AQP1: variants seen among roughly 807,000 people sequenced by gnomAD.
The protein encoded by AQP1 is aquaporin-1.
In AQP1, 11 loss-of-function variants were observed where a neutral mutation model predicts 19.7. That is an observed-to-expected ratio of 0.56 (90% CI 0.35 to 0.92). The LOEUF is 0.92. Among genes scored for constraint, AQP1 ranks in the 40% least tolerant of loss-of-function variants. The probability of loss-of-function intolerance (pLI) is 0.01; values close to 1 mark genes in which losing one functional copy is unlikely to be tolerated. For missense variants in AQP1, 320 were observed against 369.7 expected, an observed-to-expected ratio of 0.87 and a Z score of 1.10; for synonymous variants, 159 against 166.7, an observed-to-expected ratio of 0.95 and a Z score of 0.36.
At position 30,922,161 on chromosome 7, in the gene AQP1, G is replaced by C; in HGVS notation, c.480G>C (p.Arg160Ser). ...GCGTGCTGGCTACTACCGACCGGAG[G>C]CGCCGTGACCTTGGTGGCTCAGCCC... ...VLCVLATTDR[R>S]RRDLGGSAPL... The change falls in exon 2 of 4, where the codon AGG becomes AGC. Residue 160 changes from arginine to serine, a missense_variant. Physicochemically the swap from Arg to Ser is moderately radical, Grantham distance 110. Transcript: ENST00000311813. 6.2e-7 allele frequency: 1 copy of C among 1,613,604 alleles called. No homozygotes were observed. Among genetic ancestry groups the C allele is most frequent in the Non-Finnish European group, 8.5e-7 (1 of 1,180,026 alleles).
chr7:30,923,796 C>T lies in AQP1; in HGVS notation c.*167C>T. On this transcript the variant is annotated 3_prime_UTR_variant, in exon 4 of 4. Coordinates refer to ENST00000311813, the MANE Select transcript of AQP1 (RefSeq NM_198098.4). This position sits in a 1 kb window ranked among gnomAD's most constrained non-coding sequence, Gnocchi z 4.8. ...GCCTCTTATGGGGGTGTTTCTATCT[C>T]TTTCTTTCTCTTTCTGTTTCCTGGC... The T allele has an allele frequency of 6.6e-7, 1 of 1,513,132 alleles. No individual in the cohort carries two copies. The highest frequency in any genetic ancestry group is 8.9e-7 in the Non-Finnish European group (1 of 1,129,708). 93.7% of individuals were successfully genotyped at this position (1,513,132 alleles called of 1,614,324 possible). A position where few individuals can be genotyped will look rare whatever the true frequency, so the allele number is the denominator to read the frequency against.
intron 3 of AQP1, among the ~76,000 whole-genome samples, chr7:30,922,957 T>C (rs1331272891): frequency 6.6e-6 from 1 of 152,216 alleles, no homozygotes; most frequent in Admixed American, 6.5e-5. Context: ...CCTTGCGCAG[T>C]GTGCTTGAGC....
chr7:30,921,712 G>T (rs770421669), intron 1 of AQP1: 40 of 1,550,898 alleles, frequency 2.6e-5, no homozygotes, highest in Admixed American at 1.4e-4. Context: ...TCATGCCTGG[G>T]GCTCGCCCCT....
chr7:30,920,941 C>T (rs1221821925), intron 1 of AQP1, among the ~76,000 whole-genome samples: 1 of 152,212 alleles, frequency 6.6e-6, no homozygotes, highest in Non-Finnish European at 1.5e-5. Flanking sequence ...GGAAAACCTC[C>T]AAGGTGTGCC....
intron 1 of AQP1, among the ~76,000 whole-genome samples, chr7:30,913,798 G>A (rs1791235050): frequency 6.6e-6 from 1 of 152,266 alleles, no homozygotes; most frequent in East Asian, 1.9e-4. Flanking sequence ...AGACGTGGCC[G>A]CGGGGGATGT....
At position 30,911,988 on chromosome 7, in the gene AQP1, A is replaced by C; in HGVS notation, c.79A>C (p.Ile27Leu). ...CCTGGCCACGACCCTCTTTGTCTTC[A>C]TCAGCATCGGTTCTGCCCTGGGCTT... ...EFLATTLFVF[I>L]SIGSALGFKY... Residue 27 changes from isoleucine (I) to leucine (L), a missense_variant, in exon 1 of 4, where the codon ATC (isoleucine) becomes CTC (leucine). Physicochemically the swap from Ile to Leu is conservative, Grantham distance 5. Transcript: ENST00000311813. 1 of 1,613,646 alleles carries C rather than the reference A, an allele frequency of 6.2e-7. No individual in the cohort carries two copies. Among genetic ancestry groups the C allele is most frequent in the Non-Finnish European group, 8.5e-7 (1 of 1,180,034 alleles).
chr7:30,923,882 A>T lies in AQP1; in HGVS notation c.*253A>T, dbSNP rs1364650280. The T allele has an allele frequency of 2.7e-6, 4 of 1,491,980 alleles. No individual in the cohort carries two copies. In the African/African-American group the frequency reaches 5.5e-5, roughly 21 times the overall value. 92.4% of individuals were successfully genotyped at this position (1,491,980 alleles called of 1,614,324 possible). A position where few individuals can be genotyped will look rare whatever the true frequency, so the allele number is the denominator to read the frequency against. On this transcript the variant is annotated 3_prime_UTR_variant, in exon 4 of 4. Coordinates refer to ENST00000311813, the MANE Select transcript of AQP1 (RefSeq NM_198098.4). The surrounding 1 kb of genome is among the most constrained non-coding windows in gnomAD (Gnocchi z 4.8). The stretch of plus-strand genomic sequence containing the variant: ...ACCCACTCCCTTGAAGTTGTGGAGG[A>T]GGTGAAAGAAAGGGACCCACCTGCT...
Position 30,923,435 on chromosome 7 carries a change from C to T in AQP1, c.631-15C>T. On this transcript the variant is annotated splice_polypyrimidine_tract_variant and intron_variant, in intron 3 of 3. Transcript: ENST00000311813. This position sits in a 1 kb window ranked among gnomAD's most constrained non-coding sequence, Gnocchi z 4.8. The stretch of plus-strand genomic sequence containing the variant: ...TTTGAGTGGAGCCCTCTGAACACAC[C>T]TGCTCTGTTCCTAGATTTTCTGGGT... 6.2e-7 allele frequency: 1 copy of T among 1,613,784 alleles called. No homozygotes were observed. The highest frequency in any genetic ancestry group is 8.5e-7 in the Non-Finnish European group (1 of 1,179,972).
chr7:30,918,964 A>G (rs972944216), intron 1 of AQP1, among the ~76,000 whole-genome samples: 6 of 152,260 alleles, frequency 3.9e-5, no homozygotes, highest in African/African-American at 1.2e-4. Context: ...CTGCGTCATC[A>G]TCTCACTGAG....
chr7:30,922,373 G>A (rs941488149), intron 2 of AQP1, 143 bp downstream of exon 2: 113 of 1,391,570 alleles, frequency 8.1e-5, no homozygotes, highest in Non-Finnish European at 1.1e-4. Context: ...GGGGGCTGGG[G>A]GCAGGGTCCT....
chr7:30,922,095 C>G lies in AQP1; in HGVS notation c.414C>G (p.Gly138=). 6.2e-7 allele frequency: 1 copy of G among 1,614,094 alleles called. No individual in the cohort carries two copies. Among genetic ancestry groups the G allele is most frequent in the South Asian group, 1.1e-5 (1 of 91,088 alleles). The part of the protein sequence containing the change: ...DLADGVNSGQ[G]LGIEIIGTLQ... ...CTGATGGTGTGAACTCGGGCCAGGG[C>G]CTGGGCATCGAGATCATCGGGACCC... Residue 138 remains glycine (G), a synonymous_variant, in exon 2 of 4, where the codon GGC becomes GGG. Transcript: ENST00000311813.
At chr7:30,920,992 G>T (rs1791483634) in intron 1 of AQP1, among the ~76,000 whole-genome samples, 1 of 152,220 alleles carries the variant, frequency 6.6e-6, no homozygotes, top group Admixed American at 6.5e-5. Flanking sequence ...TGGCCTTGGA[G>T]ACACTCCCAT....
chr7:30,921,160 A>G (rs1791486956), intron 1 of AQP1: 1 of 533,662 alleles, frequency 1.9e-6, no homozygotes, highest in African/African-American at 2.0e-5. Context: ...GAGTGCACTT[A>G]GCCCCTGGGA....
intron 1 of AQP1, among the ~76,000 whole-genome samples, chr7:30,915,197 C>T (rs547457249): frequency 1.3e-5 from 2 of 152,240 alleles, no homozygotes; most frequent in South Asian, 2.1e-4. Flanking sequence ...TCTGCTCAGC[C>T]GGCTCCCTGC....
chr7:30,918,971 T>C, intron 1 of AQP1, among the ~76,000 whole-genome samples: 1 of 152,184 alleles, frequency 6.6e-6, no homozygotes, highest in South Asian at 2.1e-4. Flanking sequence ...ATCATCTCAC[T>C]GAGCCATCGC....
At position 30,923,612 on chromosome 7, in the gene AQP1, G is replaced by T; in HGVS notation, c.793G>T (p.Glu265Ter). The change falls in exon 4 of 4, where the codon GAG becomes TAG. Residue 265 changes from glutamate (E) to a stop codon, truncating the protein, a stop_gained. Coordinates refer to ENST00000311813, the MANE Select transcript of AQP1 (RefSeq NM_198098.4). LOFTEE classifies it high-confidence loss of function. The surrounding 1 kb of genome is among the most constrained non-coding windows in gnomAD (Gnocchi z 4.8). ...LDADDINSRV[E>*]MKPK ...TGCCGACGACATCAACTCCAGGGTG[G>T]AGATGAAGCCCAAATAGAAGGGGTC... The T allele has an allele frequency of 6.4e-7, 1 of 1,565,444 alleles. No homozygotes were observed. Among genetic ancestry groups the T allele is most frequent in the Non-Finnish European group, 8.7e-7 (1 of 1,152,262 alleles).
intron 1 of AQP1, among the ~76,000 whole-genome samples, chr7:30,918,138 G>T (rs1440034012): frequency 6.6e-6 from 1 of 151,862 alleles, no homozygotes. Flanking sequence ...GGGACCACAG[G>T]CCACCACACC....
chr7:30,918,323 T>A (rs184205257), intron 1 of AQP1, among the ~76,000 whole-genome samples: 38 of 152,320 alleles, frequency 2.5e-4, no homozygotes, highest in Admixed American at 1.4e-3. Flanking sequence ...AATGTAATTA[T>A]TGTGTAATAA....
chr7:30,917,856 T>C (rs941682940), intron 1 of AQP1, among the ~76,000 whole-genome samples: 1 of 152,216 alleles, frequency 6.6e-6, no homozygotes, highest in Admixed American at 6.5e-5. Context: ...ACATTTCTAA[T>C]AGAAGATTGT....
Sources: allele counts gnomAD v4.1 joint callset (sites outside exome capture counted in the v4.1 genomes callset), GRCh38; gene constraint gnomAD v4.1.1; non-coding constraint Gnocchi (gnomAD v3.1); transcripts MANE v1.5; gene names NCBI Gene and HGNC (gene_info 2026-07-23, HGNC 2026-07-21).